Variants in ADGRB1 observed in about 807,000 individuals in gnomAD.
The protein encoded by ADGRB1 is adhesion G protein-coupled receptor B1, also known as brain-specific angiogenesis inhibitor 1.
In ADGRB1, 36 loss-of-function variants were observed where a neutral mutation model predicts 175.7. The ratio of observed to expected loss-of-function variants is 0.20; its 90% confidence interval spans 0.16 to 0.27. The LOEUF (loss-of-function observed/expected upper bound fraction) is 0.27. ADGRB1 is among the 10% of genes least tolerant of loss of function. The pLI, the probability that ADGRB1 is intolerant of heterozygous loss-of-function variation, is 1.00. For missense variants in ADGRB1, 1,731 were observed against 2,255.3 expected (o/e 0.77, Z 4.71); for synonymous variants, 1,054 against 979.4 (o/e 1.08, Z -1.42).
At chr8:142,476,776 A>G (rs747510022) in intron 4 of ADGRB1, 81 bp downstream of exon 4, 7 of 1,311,736 alleles carry the variant, frequency 5.3e-6, no homozygotes, top group Non-Finnish European at 7.3e-6. Context: ...AGTTATGGGT[A>G]GTAACTTGAA....
chr8:142,454,836 A>G (rs1015973907), intron 1 of ADGRB1, among the ~76,000 whole-genome samples: 24 of 152,124 alleles, frequency 1.6e-4, no homozygotes, highest in Admixed American at 4.6e-4. Flanking sequence ...GCAACAAAAA[A>G]TAGGATCAGT....
intron 24 of ADGRB1, among the ~76,000 whole-genome samples, chr8:142,529,773 C>T (rs1267785129): frequency 4.1e-5 from 6 of 147,450 alleles, no homozygotes; most frequent in Non-Finnish European, 7.4e-5. Context: ...TGTGTGTGGA[C>T]GTGTGAGGAT....
In ADGRB1 at chr8:142,527,487, G is replaced by A. The variant is rs1844277029; in HGVS notation, c.3398+860G>A. Among the ~76,000 whole-genome samples, 5 of 152,246 alleles carry A rather than the reference G, an allele frequency of 3.3e-5. No individual in the cohort carries two copies. The South Asian group carries it at 8.3e-4, about 25-fold the overall frequency. Reference sequence around the variant, plus strand: ...AAGCCTTCCCCTTGGGTGCCTGTGGGTTCTGGTCCTGGTTAGGAACCAGCC... The same window carrying A: ...AAGCCTTCCCCTTGGGTGCCTGTGGATTCTGGTCCTGGTTAGGAACCAGCC... On this transcript the variant is annotated intron_variant, in intron 24 of 30. Transcript: ENST00000517894.
intron 9 of ADGRB1, among the ~76,000 whole-genome samples, 170 bp from the exon 10 acceptor site, chr8:142,481,084 G>A (rs1272372694): frequency 6.6e-6 from 1 of 152,254 alleles, no homozygotes; most frequent in Non-Finnish European, 1.5e-5. Flanking sequence ...ATGTGTTGAT[G>A]AAGGGAACGA....
At chr8:142,484,605 T>C (rs1018068203) in intron 12 of ADGRB1, 51 bp from the exon 13 acceptor site, 1 of 1,520,490 alleles carries the variant, frequency 6.6e-7, no homozygotes, top group East Asian at 2.4e-5. Context: ...AGGCAGGGGC[T>C]AAGGGACAGT....
intron 1 of ADGRB1, among the ~76,000 whole-genome samples, chr8:142,452,375 CGCAGGGGCG>C (rs1265444578): frequency 2.0e-5 from 3 of 152,190 alleles, no homozygotes; most frequent in African/African-American, 7.2e-5. Flanking sequence ...CGGGGTCCCG[CGCAGGGGCG>C]GATAGAGGGC....
At chr8:142,477,613 A>G (rs1841053416) in intron 6 of ADGRB1, 64 bp downstream of exon 6, 2 of 1,545,026 alleles carry the variant, frequency 1.3e-6, no homozygotes, top group Non-Finnish European at 1.7e-6. Context: ...ACAGTGGGCC[A>G]CCGGCCAGGC....
chr8:142,516,870 C>T (rs1232343033), intron 18 of ADGRB1, among the ~76,000 whole-genome samples: 1 of 152,144 alleles, frequency 6.6e-6, no homozygotes, highest in Non-Finnish European at 1.5e-5. Context: ...GTGAACTCAT[C>T]CATGTAGAAG....
At chr8:142,532,413 G>A (rs1412943294) in intron 24 of ADGRB1, among the ~76,000 whole-genome samples, 3 of 152,224 alleles carry the variant, frequency 2.0e-5, no homozygotes, top group Admixed American at 6.5e-5. Flanking sequence ...CTCCCAGCGA[G>A]GCTGGGCTGC....
intron 2 of ADGRB1, among the ~76,000 whole-genome samples, chr8:142,468,223 T>TGC (rs1456968859): frequency 1.3e-5 from 2 of 151,564 alleles, no homozygotes; most frequent in African/African-American, 4.9e-5. Context: ...TGTGTGTGTG[T>TGC]GTGCGTGTGC....
intron 11 of ADGRB1, among the ~76,000 whole-genome samples, chr8:142,483,167 C>T (rs1461017401): frequency 7.2e-6 from 1 of 139,544 alleles, no homozygotes; most frequent in Non-Finnish European, 1.5e-5. Context: ...CACGCTGAGC[C>T]CTGACCCTGG....
rs1335062197 is a variant in ADGRB1, at chr8:142,464,940, C to T, written c.742C>T (p.Leu248Phe). The T allele has an allele frequency of 2.6e-6, 4 of 1,529,130 alleles. No homozygotes were observed. Among genetic ancestry groups the T allele is most frequent in the Non-Finnish European group, 3.5e-6 (4 of 1,143,278 alleles). 94.7% of individuals were successfully genotyped at this position (1,529,130 alleles called of 1,614,324 possible). ...GGTGGCTGGTGGCCCTGAAAACTGCCTCACCAGCCTGACCCAGGACCGGGG... is the reference window on the plus strand; with the variant it reads ...GGTGGCTGGTGGCCCTGAAAACTGCTTCACCAGCCTGACCCAGGACCGGGG... ...DAVAGGPENC[L>F]TSLTQDRGGH... The change falls in exon 2 of 31, where the codon CTC becomes TTC. Residue 248 changes from leucine to phenylalanine, a missense_variant. Physicochemically the swap from Leu to Phe is conservative, Grantham distance 22. Transcript: ENST00000517894.
At chr8:142,483,214 C>A (rs1841462130) in intron 11 of ADGRB1, among the ~76,000 whole-genome samples, 2 of 144,884 alleles carry the variant, frequency 1.4e-5, no homozygotes, top group African/African-American at 5.2e-5. Flanking sequence ...ACACTGAGCC[C>A]TGACCCTGGT....
At chr8:142,460,980 C>T (rs1839940014) in intron 1 of ADGRB1, among the ~76,000 whole-genome samples, 1 of 152,240 alleles carries the variant, frequency 6.6e-6, no homozygotes, top group African/African-American at 2.4e-5. Context: ...CAGGGTGGGC[C>T]TCATACCCTA....
intron 17 of ADGRB1, among the ~76,000 whole-genome samples, chr8:142,502,007 T>C: frequency 6.7e-6 from 1 of 149,234 alleles, no homozygotes; most frequent in Non-Finnish European, 1.5e-5. Context: ...GGGATGGTGA[T>C]AGTGATGGTT....
At chr8:142,535,032 A>G (rs1041017352) in intron 25 of ADGRB1, among the ~76,000 whole-genome samples, 1 of 152,254 alleles carries the variant, frequency 6.6e-6, no homozygotes, top group African/African-American at 2.4e-5. Context: ...AAACAAGAAC[A>G]GTAGCCTATG....
At chr8:142,535,005 A>G (rs575533856) in intron 25 of ADGRB1, among the ~76,000 whole-genome samples, 3 of 152,362 alleles carry the variant, frequency 2.0e-5, no homozygotes, top group Admixed American at 1.3e-4. Context: ...CCTGGCCCCC[A>G]GTGCCTGGCT....
At chr8:142,457,970 T>C (rs1414481264) in intron 1 of ADGRB1, among the ~76,000 whole-genome samples, 12 of 152,164 alleles carry the variant, frequency 7.9e-5, no homozygotes, top group Admixed American at 7.9e-4. Context: ...CCCAGCCCCC[T>C]GGGCAGTCAG....
At chr8:142,498,035 C>T (rs1842304647) in intron 17 of ADGRB1, among the ~76,000 whole-genome samples, 1 of 152,164 alleles carries the variant, frequency 6.6e-6, no homozygotes, top group Admixed American at 6.5e-5. Context: ...CTCTCAGCTG[C>T]CCTTACCCAG....
Sources: gnomAD v4.1 joint callset for allele counts (sites outside exome capture counted in the v4.1 genomes callset) on GRCh38, gnomAD v4.1.1 for gene constraint, MANE v1.5 for transcripts, NCBI Gene and HGNC (gene_info 2026-07-23, HGNC 2026-07-21) for gene names.